C12orf60: variants seen among roughly 807,000 people sequenced by gnomAD.
C12orf60 encodes the protein uncharacterized protein C12orf60.
For missense variants in C12orf60, 284 were observed against 283.2 expected (o/e 1.00, Z -0.02); for synonymous variants, 102 against 94.6 (o/e 1.08, Z -0.45).
chr12:14,811,179 A>G (rs898465199), intron 1 of C12orf60, among the ~76,000 whole-genome samples: 15 of 152,210 alleles, frequency 9.9e-5, no homozygotes, highest in African/African-American at 3.6e-4. Flanking sequence ...CACTTGGGGA[A>G]TTACCATCCA....
chr12:14,811,191 T>C (rs1950130334), intron 1 of C12orf60, among the ~76,000 whole-genome samples: 1 of 152,246 alleles, frequency 6.6e-6, no homozygotes, highest in Non-Finnish European at 1.5e-5. Flanking sequence ...TACCATCCAC[T>C]TTTGTACAGA....
At position 14,823,768 on chromosome 12, in the gene C12orf60, G is replaced by T; in HGVS notation, c.*95G>T. On this transcript the variant is annotated 3_prime_UTR_variant, in exon 2 of 2. Transcript: ENST00000330828. ...TAAGATCTTTTGGTGCCAAACATGTGCTATGTTAGAACATAAGTACACAAA... is the reference window on the plus strand; with the variant it reads ...TAAGATCTTTTGGTGCCAAACATGTTCTATGTTAGAACATAAGTACACAAA... 8.3e-7 allele frequency: 1 copy of T among 1,209,344 alleles called. No homozygotes were observed. Among genetic ancestry groups the T allele is most frequent in the Non-Finnish European group, 1.1e-6 (1 of 888,676 alleles). The allele number at this position is 1,209,344 out of a possible 1,614,324, so 74.9% of individuals were successfully genotyped here.
chr12:14,823,733 T>C lies in C12orf60; in HGVS notation c.*60T>C. On this transcript the variant is annotated 3_prime_UTR_variant, in exon 2 of 2. Transcript: ENST00000330828. ...CTACTTAAAATCTTATGGTTTTTCA[T>C]AGTAGTTTCTAAGATCTTTTGGTGC... The C allele has an allele frequency of 1.4e-6, 2 of 1,452,796 alleles. No homozygotes were observed. The highest frequency in any genetic ancestry group is 4.7e-5 in the East Asian group (2 of 42,658). The allele number at this position is 1,452,796 out of a possible 1,614,324, so 90.0% of individuals were successfully genotyped here.
chr12:14,809,546 C>T (rs529703258), intron 1 of C12orf60, among the ~76,000 whole-genome samples: 3 of 152,066 alleles, frequency 2.0e-5, no homozygotes, highest in Admixed American at 1.3e-4. Flanking sequence ...CAATAATAAT[C>T]GAAATTATTA....
At chr12:14,816,068 T>C (rs1196141928) in intron 1 of C12orf60, among the ~76,000 whole-genome samples, 1 of 152,192 alleles carries the variant, frequency 6.6e-6, no homozygotes, top group Non-Finnish European at 1.5e-5. Context: ...CTTAAATCTT[T>C]CTTGACTACT....
At chr12:14,815,086 A>T (rs1950195584) in intron 1 of C12orf60, among the ~76,000 whole-genome samples, 1 of 152,238 alleles carries the variant, frequency 6.6e-6, no homozygotes, top group African/African-American at 2.4e-5. Flanking sequence ...AGCTATTCAT[A>T]TATTAACAAC....
chr12:14,806,286 G>A, intron 1 of C12orf60: 1 of 1,614,234 alleles, frequency 6.2e-7, no homozygotes, highest in Non-Finnish European at 8.5e-7. Flanking sequence ...AAGTTTAACA[G>A]CGACTGCACT....
chr12:14,813,179 A>T (rs1028112950), intron 1 of C12orf60, among the ~76,000 whole-genome samples: 11 of 152,304 alleles, frequency 7.2e-5, no homozygotes, highest in Middle Eastern at 3.4e-3. Context: ...TAACAAATAA[A>T]AAAGAAAGAA....
rs999266731 is a variant in C12orf60 at position 14,824,227 on chromosome 12, G to A, written c.*554G>A. On this transcript the variant is annotated 3_prime_UTR_variant, in exon 2 of 2. Transcript: ENST00000330828. ...AGACTTTTCTTGCTTATGTGAGTAA[G>A]ACCAGAACAGATAGTTCATTCTCAC... The A allele has an allele frequency of 1.3e-5, 2 of 152,218 alleles. No homozygotes were observed. Among genetic ancestry groups the A allele is most frequent in the African/African-American group, 4.8e-5 (2 of 41,450 alleles). The allele number at this position is 152,218 out of a possible 1,614,324, so 9.4% of individuals were successfully genotyped here.
At chr12:14,808,784 A>G (rs1358981952) in intron 1 of C12orf60, among the ~76,000 whole-genome samples, 1 of 152,234 alleles carries the variant, frequency 6.6e-6, no homozygotes, top group Non-Finnish European at 1.5e-5. Context: ...CAGCACACAT[A>G]CACATATATA....
At chr12:14,811,652 A>G (rs1007868018) in intron 1 of C12orf60, among the ~76,000 whole-genome samples, 4 of 152,232 alleles carry the variant, frequency 2.6e-5, no homozygotes, top group Non-Finnish European at 5.9e-5. Context: ...AAATATGCTG[A>G]TAATTGTGTC....
At chr12:14,809,034 A>T (rs1950097303) in intron 1 of C12orf60, among the ~76,000 whole-genome samples, 1 of 152,194 alleles carries the variant, frequency 6.6e-6, no homozygotes, top group African/African-American at 2.4e-5. Context: ...AGATCTTATT[A>T]TGAAGTGAAA....
chr12:14,821,270 G>C (rs1452953083), intron 1 of C12orf60, among the ~76,000 whole-genome samples: 1 of 152,162 alleles, frequency 6.6e-6, no homozygotes, highest in African/African-American at 2.4e-5. Context: ...TAGGGCTGCT[G>C]TCACAAATTA....
Position 14,823,726 on chromosome 12 carries a change from T to A in C12orf60, c.*53T>A. Reference sequence around the variant, plus strand: ...CAGAAAACTACTTAAAATCTTATGGTTTTTCATAGTAGTTTCTAAGATCTT... The same window carrying A: ...CAGAAAACTACTTAAAATCTTATGGATTTTCATAGTAGTTTCTAAGATCTT... On this transcript the variant is annotated 3_prime_UTR_variant, in exon 2 of 2. Coordinates refer to ENST00000330828, the MANE Select transcript of C12orf60 (RefSeq NM_175874.4). 6.8e-7 allele frequency: 1 copy of A among 1,470,210 alleles called. No individual in the cohort carries two copies. Among genetic ancestry groups the A allele is most frequent in the South Asian group, 1.5e-5 (1 of 66,130 alleles). 91.1% of individuals were successfully genotyped at this position (1,470,210 alleles called of 1,614,324 possible).
rs1386658497 is a variant in C12orf60, at chr12:14,803,731, G to A, written c.-45G>A. ...CTGTCTCTCGAGTTGGAGGCATCTT[G>A]ACTTAGTTGCTGGGAGCCTGGTACG... On this transcript the variant is annotated 5_prime_UTR_variant, in exon 1 of 2. Coordinates refer to ENST00000330828, the MANE Select transcript of C12orf60 (RefSeq NM_175874.4). 2.7e-6 allele frequency: 1 copy of A among 374,256 alleles called. No individual in the cohort carries two copies. Among genetic ancestry groups the A allele is most frequent in the East Asian group, 3.8e-5 (1 of 25,984 alleles). 23.2% of individuals were successfully genotyped at this position (374,256 alleles called of 1,614,324 possible).
chr12:14,807,710 C>G (rs1440613022), intron 1 of C12orf60, among the ~76,000 whole-genome samples: 1 of 152,064 alleles, frequency 6.6e-6, no homozygotes, highest in Non-Finnish European at 1.5e-5. Context: ...AAGGTAGGCA[C>G]TATACAGGGC....
At position 14,810,853 on chromosome 12, in the gene C12orf60, C is replaced by T. The variant is rs573146164; in HGVS notation, c.-25+7102C>T. ...TTAGTTCTGACTCCCAAAGTGATTA[C>T]TCCACTCAGCAAAACAAAAGCCCTG... On this transcript the variant is annotated intron_variant, in intron 1 of 1. Transcript: ENST00000330828. Among the ~76,000 whole-genome samples, 16 of 152,298 alleles carry T rather than the reference C, an allele frequency of 1.1e-4. No individual in the cohort carries two copies. The South Asian group carries it at 3.3e-3, about 32-fold the overall frequency.
intron 1 of C12orf60, among the ~76,000 whole-genome samples, chr12:14,815,205 T>C (rs1016791121): frequency 6.6e-6 from 1 of 152,188 alleles, no homozygotes; most frequent in African/African-American, 2.4e-5. Flanking sequence ...TGCCCTGTGA[T>C]TCTAAAGAAG....
chr12:14,815,997 C>G (rs1265608037), intron 1 of C12orf60, among the ~76,000 whole-genome samples: 2 of 152,206 alleles, frequency 1.3e-5, no homozygotes, highest in Non-Finnish European at 2.9e-5. Flanking sequence ...ATACTGAGCC[C>G]CCTAATCAAC....
Sources: gnomAD v4.1 joint callset for allele counts (sites outside exome capture counted in the v4.1 genomes callset) on GRCh38, gnomAD v4.1.1 for gene constraint, MANE v1.5 for transcripts, NCBI Gene and HGNC (gene_info 2026-07-23, HGNC 2026-07-21) for gene names.